The following SCLT1 variants were observed in gnomAD, a reference collection of about 807,000 sequenced individuals.
SCLT1 encodes sodium channel-associated protein 1.
In SCLT1, 78 loss-of-function variants were observed where a neutral mutation model predicts 112.8. The ratio of observed to expected loss-of-function variants is 0.69; its 90% CI spans 0.58 to 0.83. The LOEUF (loss-of-function observed/expected upper bound fraction) is 0.83, where lower values mean the gene tolerates loss of function less well. Among genes scored for constraint, SCLT1 ranks in the 40% least tolerant of loss-of-function variants. SCLT1 has a pLI of 0.00. For synonymous variants in SCLT1, 257 were observed against 254.7 expected, an observed-to-expected ratio of 1.01 and a Z score of -0.09; for missense variants, 747 against 770.4, an observed-to-expected ratio of 0.97 and a Z score of 0.36.
At chr4:129,056,591 T>G (rs139814323) in intron 2 of SCLT1, among the ~76,000 whole-genome samples, 35 of 152,354 alleles carry the variant, frequency 2.3e-4, no homozygotes, top group African/African-American at 7.5e-4. Flanking sequence ...TAATTTTCAG[T>G]AGCTATTGTA....
chr4:129,001,016 C>A (rs1183026734), intron 6 of SCLT1, among the ~76,000 whole-genome samples: 1 of 151,526 alleles, frequency 6.6e-6, no homozygotes, highest in Non-Finnish European at 1.5e-5. Context: ...TGTAGATAAA[C>A]ACAGAATATG....
chr4:129,026,022 G>C (rs143942575), intron 5 of SCLT1, among the ~76,000 whole-genome samples: 4,905 of 152,096 alleles, frequency 0.032, 132 homozygotes, highest in Admixed American at 0.058. Flanking sequence ...TATATGCACC[G>C]AATACAGGAG....
chr4:129,033,200 A>G (rs1300908463), intron 5 of SCLT1, among the ~76,000 whole-genome samples: 1 of 152,150 alleles, frequency 6.6e-6, no homozygotes, highest in Non-Finnish European at 1.5e-5. Flanking sequence ...AGGGACATGG[A>G]TGAAGCTGGA....
At chr4:128,874,596 G>A (rs1228721312) in intron 4 of SCLT1, 2 of 152,464 alleles carry the variant, frequency 1.3e-5, no homozygotes, top group Non-Finnish European at 2.9e-5. Context: ...GATAGAGCAC[G>A]GTTTCTCTGA....
At chr4:128,895,319 GAC>G (rs1450565652) in intron 18 of SCLT1, among the ~76,000 whole-genome samples, 4 of 151,970 alleles carry the variant, frequency 2.6e-5, no homozygotes, top group Non-Finnish European at 5.9e-5. Context: ...TCAGCTATTG[GAC>G]AAAATAGTCC....
At chr4:129,074,248 A>C (rs1751267918) in intron 2 of SCLT1, among the ~76,000 whole-genome samples, 1 of 152,170 alleles carries the variant, frequency 6.6e-6, no homozygotes, top group African/African-American at 2.4e-5. Context: ...AATTCTTTCC[A>C]CAAAGGTAGT....
At chr4:128,886,094 T>C (rs1368908524) in intron 20 of SCLT1, among the ~76,000 whole-genome samples, 1 of 152,214 alleles carries the variant, frequency 6.6e-6, no homozygotes, top group Non-Finnish European at 1.5e-5. Context: ...ACTGTGATTA[T>C]ATTTATTAAT....
chr4:128,975,917 G>A (rs1206039778), intron 9 of SCLT1, among the ~76,000 whole-genome samples: 3 of 152,072 alleles, frequency 2.0e-5, no homozygotes, highest in East Asian at 1.9e-4. Flanking sequence ...CAAGACAGAA[G>A]GGTTCCAAAG....
In SCLT1 at chr4:129,008,987, C is replaced by T. The variant is rs567149470; in HGVS notation, c.291-5111G>A. Among the ~76,000 whole-genome samples, 22 of 152,310 alleles carry T rather than the reference C, an allele frequency of 1.4e-4. 1 individual carries two copies. Among genetic ancestry groups the T allele is most frequent in the South Asian group, 1.0e-3 (5 of 4,828 alleles). On this transcript the variant is annotated intron_variant, in intron 5 of 20. Transcript: ENST00000281142. ...GCTCCATCTATGTTCCTGCAAAGGA[C>T]GTGATCTTGTTCTTTTTTATGGATG...
intron 13 of SCLT1, 105 bp downstream of exon 13, chr4:128,956,921 C>T: frequency 1.6e-6 from 1 of 625,258 alleles, no homozygotes; most frequent in East Asian, 2.9e-5. Context: ...GTCTTTATAA[C>T]TATGTAGGCA....
At chr4:128,883,154 CAACAAAAA>C (rs1193271129), downstream of SCLT1, among the ~76,000 whole-genome samples, 2 of 37,478 alleles carry the variant, frequency 5.3e-5, no homozygotes, top group African/African-American at 7.8e-5. Context: ...ACAACAACAA[CAACAAAAA>C]AAAAAAAAAA....
chr4:128,974,846 A>G (rs1175203609), intron 9 of SCLT1, among the ~76,000 whole-genome samples: 1 of 152,080 alleles, frequency 6.6e-6, no homozygotes, highest in Admixed American at 6.6e-5. Context: ...TTGATTTAAA[A>G]AAACACAACT....
chr4:129,034,381 T>C (rs1460907854), intron 5 of SCLT1, among the ~76,000 whole-genome samples: 1 of 151,818 alleles, frequency 6.6e-6, no homozygotes, highest in Non-Finnish European at 1.5e-5. Context: ...AATAATTCCA[T>C]TGTATAATGT....
Position 128,964,013 on chromosome 4 carries a change from A to G in SCLT1, c.869+1214T>C, listed in dbSNP as rs185186157. Among the ~76,000 whole-genome samples the G allele has an allele frequency of 4.8e-3, 731 of 152,304 alleles. 6 individuals carry two copies. The highest frequency in any genetic ancestry group is 0.017 in the African/African-American group (694 of 41,566). On this transcript the variant is annotated intron_variant, in intron 11 of 20. Coordinates refer to ENST00000281142, the MANE Select transcript of SCLT1 (RefSeq NM_144643.4). ...AAAATTACTTCTCAGCTTTAGAAAA[A>G]GACAAATATATATTCTCCCTACCTA...
At chr4:128,920,936 T>C (rs318553) in intron 18 of SCLT1, among the ~76,000 whole-genome samples, 110,718 of 152,134 alleles carry the variant, frequency 0.73, 40,610 homozygotes, top group African/African-American at 0.82. Context: ...CCACAAGCTC[T>C]TAGATCTGAT....
intron 2 of SCLT1, among the ~76,000 whole-genome samples, chr4:129,076,280 T>C (rs1163896384): frequency 6.6e-6 from 1 of 152,162 alleles, no homozygotes; most frequent in Non-Finnish European, 1.5e-5. Flanking sequence ...AGTATATTAA[T>C]GTTTGTTGAA....
chr4:129,069,608 T>A (rs945766902), intron 2 of SCLT1, among the ~76,000 whole-genome samples: 9 of 152,224 alleles, frequency 5.9e-5, no homozygotes, highest in Non-Finnish European at 1.2e-4. Context: ...TAATCTTGTA[T>A]CTGGAAACTT....
At chr4:129,045,936 T>C (rs760960917) in intron 2 of SCLT1, among the ~76,000 whole-genome samples, 3 of 151,992 alleles carry the variant, frequency 2.0e-5, no homozygotes, top group Non-Finnish European at 4.4e-5. Context: ...TGTAGAGTTA[T>C]AGGAAGAGAG....
chr4:128,877,841 G>A (rs551957578), intron 3 of SCLT1, among the ~76,000 whole-genome samples: 9 of 152,162 alleles, frequency 5.9e-5, no homozygotes, highest in Non-Finnish European at 1.3e-4. Context: ...AATAGATAAT[G>A]AGCAGGATAG....
Sources: gnomAD v4.1 joint callset for allele counts (sites outside exome capture counted in the v4.1 genomes callset) on GRCh38, gnomAD v4.1.1 for gene constraint, MANE v1.5 for transcripts, NCBI Gene and HGNC (gene_info 2026-07-23, HGNC 2026-07-21) for gene names.